The following SLC14A2 variants were observed in gnomAD, a reference collection of about 807,000 sequenced individuals.
SLC14A2 encodes solute carrier family 14 member 2, also known as urea transporter 2.
Under a neutral mutation model 104.6 loss-of-function variants are expected in SLC14A2, and 91 were observed. The ratio of observed to expected loss-of-function variants is 0.87; its 90% confidence interval spans 0.73 to 1.04. The LOEUF is 1.04. Among genes scored for constraint, SLC14A2 ranks in the 50% least tolerant of loss-of-function variants. The pLI, the probability that SLC14A2 is intolerant of heterozygous loss-of-function variation, is 0.00. For missense variants in SLC14A2, 1,189 were observed against 1,156.0 expected (o/e 1.03, Z -0.41); for synonymous variants, 476 against 466.4 (o/e 1.02, Z -0.27).
chr18:45,543,296 G>A (rs1159999009), intron 2 of SLC14A2, among the ~76,000 whole-genome samples: 4 of 151,788 alleles, frequency 2.6e-5, no homozygotes, highest in African/African-American at 7.3e-5. Flanking sequence ...GCTTACCCAA[G>A]ATAATATCTG....
chr18:45,316,655 G>C (rs2085132370), intron 1 of SLC14A2, among the ~76,000 whole-genome samples: 1 of 152,170 alleles, frequency 6.6e-6, no homozygotes, highest in Admixed American at 6.5e-5. Context: ...TCTGAAGTGA[G>C]GTTTCGAGGA....
At chr18:45,353,408 C>T (rs905811437) in intron 1 of SLC14A2, among the ~76,000 whole-genome samples, 2 of 152,134 alleles carry the variant, frequency 1.3e-5, no homozygotes, top group African/African-American at 2.4e-5. Flanking sequence ...CCATAAATAG[C>T]ACAGTTCTGA....
intron 10 of SLC14A2, chr18:45,647,175 C>G (rs1329919856): frequency 6.6e-6 from 1 of 152,236 alleles, no homozygotes; most frequent in Admixed American, 6.5e-5. Flanking sequence ...AATGGCAGAT[C>G]TTAAATCATC....
intron 1 of SLC14A2, among the ~76,000 whole-genome samples, chr18:45,459,773 C>T (rs181410752): frequency 2.0e-5 from 3 of 152,232 alleles, no homozygotes; most frequent in East Asian, 1.9e-4. Context: ...TTTGTGGCTT[C>T]GATCATGCCT....
chr18:45,575,786 G>GT (rs1192348771), intron 2 of SLC14A2, among the ~76,000 whole-genome samples: 1 of 141,494 alleles, frequency 7.1e-6, no homozygotes, highest in African/African-American at 2.5e-5. Flanking sequence ...AGTTTGTCTT[G>GT]TTCTTTTTTT....
chr18:45,572,018 C>A (rs2044353938), intron 2 of SLC14A2, among the ~76,000 whole-genome samples: 1 of 151,916 alleles, frequency 6.6e-6, no homozygotes, highest in African/African-American at 2.4e-5. Context: ...ACCAAAATCT[C>A]TGGGGTAGAG....
intron 1 of SLC14A2, among the ~76,000 whole-genome samples, chr18:45,425,101 G>T (rs1378850658): frequency 1.3e-5 from 2 of 152,156 alleles, no homozygotes; most frequent in East Asian, 1.9e-4. Flanking sequence ...TGCACATCCA[G>T]TTCCCTTTAG....
At chr18:45,422,709 A>G (rs1159460587) in intron 1 of SLC14A2, among the ~76,000 whole-genome samples, 1 of 152,214 alleles carries the variant, frequency 6.6e-6, no homozygotes, top group East Asian at 1.9e-4. Flanking sequence ...CCCCTGCTCC[A>G]TCAATGGAGC....
At chr18:45,276,082 G>T (rs984170023) in intron 1 of SLC14A2, among the ~76,000 whole-genome samples, 8 of 152,226 alleles carry the variant, frequency 5.3e-5, no homozygotes, top group Non-Finnish European at 8.8e-5. Flanking sequence ...AAGTGCAAAG[G>T]CCCTGAGGCT....
chr18:45,331,520 C>T lies in SLC14A2; in HGVS notation c.-125+118329C>T, dbSNP rs113466531. 2.6e-5 allele frequency among the ~76,000 whole-genome samples: 4 copies of T among 151,564 alleles called. 1 individual carries two copies. Among genetic ancestry groups the T allele is most frequent in the African/African-American group, 9.7e-5 (4 of 41,342 alleles). Reference sequence around the variant, plus strand: ...TCCTGGCTAACACGTGAAACCCTGTCTGTACTAAAAATAAAAAAAAATTAG... The same window carrying T: ...TCCTGGCTAACACGTGAAACCCTGTTTGTACTAAAAATAAAAAAAAATTAG... On this transcript the variant is annotated intron_variant, in intron 1 of 20. Transcript: ENST00000586448.
chr18:45,538,669 T>C (rs2043835625), intron 2 of SLC14A2, among the ~76,000 whole-genome samples: 1 of 152,124 alleles, frequency 6.6e-6, no homozygotes, highest in Admixed American at 6.5e-5. Flanking sequence ...ATCTCAGAAT[T>C]GACATACCAT....
At chr18:45,250,755 CT>C (rs67864793) in intron 1 of SLC14A2, among the ~76,000 whole-genome samples, 130 of 93,884 alleles carry the variant, frequency 1.4e-3, no homozygotes, top group East Asian at 3.0e-3. Context: ...TGGCTTCTTC[CT>C]TTTTTTTTTT....
the SLC14A2 span, among the ~76,000 whole-genome samples, chr18:45,174,495 T>C: frequency 5.9e-5 from 9 of 152,206 alleles, no homozygotes; most frequent in Admixed American, 2.6e-4. Flanking sequence ...TGGGAAGAAA[T>C]GAAACCCTGC....
chr18:45,316,160 A>G (rs1431613310), intron 1 of SLC14A2, among the ~76,000 whole-genome samples: 2 of 152,200 alleles, frequency 1.3e-5, no homozygotes, highest in Non-Finnish European at 2.9e-5. Flanking sequence ...AGAAAAGTAC[A>G]AAGCAGAGGC....
chr18:45,482,457 A>G (rs942907111), intron 1 of SLC14A2: 1 of 152,214 alleles, frequency 6.6e-6, no homozygotes, highest in Admixed American at 6.5e-5. Flanking sequence ...CAGATCTCTC[A>G]CAAGGCTACA....
At chr18:45,658,473 C>T (rs574122924) in intron 10 of SLC14A2, among the ~76,000 whole-genome samples, 5 of 151,718 alleles carry the variant, frequency 3.3e-5, no homozygotes, top group African/African-American at 4.8e-5. Flanking sequence ...CCCAGCTACT[C>T]GGGAGGCTGA....
At chr18:45,481,688 C>G (rs1406188131) in intron 1 of SLC14A2, among the ~76,000 whole-genome samples, 1 of 152,018 alleles carries the variant, frequency 6.6e-6, no homozygotes, top group Non-Finnish European at 1.5e-5. Flanking sequence ...TGAAAAAAAA[C>G]AGGATTTTCA....
intron 2 of SLC14A2, among the ~76,000 whole-genome samples, chr18:45,531,193 A>T (rs1288382257): frequency 6.6e-6 from 1 of 152,246 alleles, no homozygotes. Flanking sequence ...AGTGTGATTT[A>T]TAATCCTTTG....
At position 45,324,229 on chromosome 18, in the gene SLC14A2, G is replaced by A. The variant is rs887200817; in HGVS notation, c.-125+111038G>A. Among the ~76,000 whole-genome samples, 3 of 152,254 alleles carry A rather than the reference G, an allele frequency of 2.0e-5. No individual in the cohort carries two copies. The South Asian group carries it at 6.2e-4, about 32-fold the overall frequency. On this transcript the variant is annotated intron_variant, in intron 1 of 20. Transcript: ENST00000586448. ...TCCTCAGTAGTGAACCCATAGCAGT[G>A]GATCCAGAATGTCCCTTCTCCAGGC...
Sources: allele counts gnomAD v4.1 joint callset (sites outside exome capture counted in the v4.1 genomes callset), GRCh38; gene constraint gnomAD v4.1.1; transcripts MANE v1.5; gene names NCBI Gene and HGNC (gene_info 2026-07-23, HGNC 2026-07-21).